PTGER4: variants seen among roughly 807,000 people sequenced by gnomAD.
PTGER4 encodes the protein prostaglandin E receptor 4.
In PTGER4, 11 loss-of-function variants were observed where a neutral mutation model predicts 33.2. The observed-to-expected ratio is 0.33, with a 90% CI of 0.21 to 0.55. The LOEUF is 0.55. Ranked by LOEUF, PTGER4 falls within the 20% of genes least tolerant of loss-of-function variation. The pLI is 0.92. For synonymous variants in PTGER4, 275 were observed against 281.5 expected, an observed-to-expected ratio of 0.98 and a Z score of 0.23; for missense variants, 481 against 650.2, an observed-to-expected ratio of 0.74 and a Z score of 2.83.
downstream of PTGER4, among the ~76,000 whole-genome samples, chr5:40,698,670 A>G (rs1425004402): frequency 1.3e-5 from 2 of 152,208 alleles, no homozygotes; most frequent in East Asian, 1.9e-4. Flanking sequence ...TTATATCTCA[A>G]TGCATTACTT....
the PTGER4 span, among the ~76,000 whole-genome samples, chr5:40,735,437 C>T: frequency 6.6e-6 from 1 of 152,016 alleles, no homozygotes; most frequent in African/African-American, 2.4e-5. Context: ...TCAACTTGGA[C>T]TTGGTATGAG....
At chr5:40,728,113 C>T in the PTGER4 span, among the ~76,000 whole-genome samples, 1 of 151,710 alleles carries the variant, frequency 6.6e-6, no homozygotes, top group Non-Finnish European at 1.5e-5. Context: ...GACACCCCGT[C>T]TCTACTAAAA....
chr5:40,734,717 C>T, the PTGER4 span, among the ~76,000 whole-genome samples: 1 of 152,124 alleles, frequency 6.6e-6, no homozygotes, highest in Non-Finnish European at 1.5e-5. Context: ...TTACTGGGCA[C>T]CTACCCTGGG....
the PTGER4 span, among the ~76,000 whole-genome samples, chr5:40,720,718 T>C: frequency 6.6e-6 from 1 of 152,040 alleles, no homozygotes; most frequent in African/African-American, 2.4e-5. Context: ...ACTGAAAGGC[T>C]CCTGCACCCT....
the PTGER4 span, among the ~76,000 whole-genome samples, chr5:40,732,996 G>C: frequency 6.6e-6 from 1 of 151,980 alleles, no homozygotes; most frequent in East Asian, 1.9e-4. Flanking sequence ...AAGAAAAGAG[G>C]GGACAGATGT....
the PTGER4 span, among the ~76,000 whole-genome samples, chr5:40,711,788 A>G: frequency 6.6e-6 from 1 of 152,268 alleles, no homozygotes. Flanking sequence ...TTAAGCAAAA[A>G]AAAAGTCAGA....
At chr5:40,689,105 T>C (rs1344706305) in intron 2 of PTGER4, among the ~76,000 whole-genome samples, 1 of 152,194 alleles carries the variant, frequency 6.6e-6, no homozygotes, top group East Asian at 1.9e-4. Flanking sequence ...GACCAGAACA[T>C]AGGAATATTC....
At chr5:40,716,006 T>C in the PTGER4 span, 8 of 637,496 alleles carry the variant, frequency 1.3e-5, no homozygotes, top group Middle Eastern at 7.8e-4. Context: ...TCCTGCCATT[T>C]TAGTTTTTAT....
chr5:40,692,967 A>G lies in PTGER4; in HGVS notation c.*589A>G, dbSNP rs931271907. The G allele has an allele frequency of 3.1e-6, 3 of 952,816 alleles. No homozygotes were observed. In the African/African-American group the frequency reaches 5.3e-5, roughly 17 times the overall value. 59.0% of individuals were successfully genotyped at this position (952,816 alleles called of 1,614,324 possible). A position where few individuals can be genotyped will look rare whatever the true frequency, so the allele number is the denominator to read the frequency against. On this transcript the variant is annotated 3_prime_UTR_variant, in exon 3 of 3. Transcript: ENST00000302472. ...AGATGTTAGATATTTTTCATAAACAAGTTCGAGTCAAAGTTGAAAATTCAT... is the reference window on the plus strand; with the variant it reads ...AGATGTTAGATATTTTTCATAAACAGGTTCGAGTCAAAGTTGAAAATTCAT...
the PTGER4 span, among the ~76,000 whole-genome samples, chr5:40,706,043 A>G: frequency 1.3e-5 from 2 of 152,180 alleles, 1 homozygote; most frequent in East Asian, 3.8e-4. Flanking sequence ...TTCATTGCAC[A>G]CTGTTTACAA....
chr5:40,715,436 G>T, the PTGER4 span: 5 of 152,200 alleles, frequency 3.3e-5, no homozygotes, highest in African/African-American at 1.2e-4. Flanking sequence ...ATTACTTACT[G>T]TAACAATTAA....
chr5:40,722,747 C>T, the PTGER4 span, among the ~76,000 whole-genome samples: 11,914 of 151,584 alleles, frequency 0.079, 652 homozygotes, highest in Non-Finnish European at 0.12. Flanking sequence ...GCAGCCCCTG[C>T]CCGGCCAGAC....
chr5:40,691,586 G>A lies in PTGER4; in HGVS notation c.868-193G>A, dbSNP rs763728190. 1.5e-4 allele frequency among the ~76,000 whole-genome samples: 23 copies of A among 152,226 alleles called. No individual in the cohort carries two copies. The highest frequency in any genetic ancestry group is 3.1e-4 in the Non-Finnish European group (21 of 68,042). On this transcript the variant is annotated intron_variant, in intron 2 of 2. Coordinates refer to ENST00000302472, the MANE Select transcript of PTGER4 (RefSeq NM_000958.3). This position sits in a 1 kb window ranked among gnomAD's most constrained non-coding sequence, Gnocchi z 4.2. ...CCACCTCGGCCTCCCAAAGTGCTGG[G>A]ATTACAGGCGTGAGCCACCGTGCCC...
the PTGER4 span, among the ~76,000 whole-genome samples, chr5:40,716,984 T>C: frequency 2.6e-5 from 4 of 152,164 alleles, no homozygotes; most frequent in African/African-American, 9.7e-5. Flanking sequence ...ATCCCAGCAC[T>C]TTGGGAGGCT....
chr5:40,697,234 GAAAGAAAGAA>G (rs1400993330), downstream of PTGER4, among the ~76,000 whole-genome samples: 6,646 of 73,564 alleles, frequency 0.09, 257 homozygotes, highest in African/African-American at 0.1. Flanking sequence ...AGAAAAGAAA[GAAAGAAAGAA>G]AGAAAGAAAG....
At chr5:40,716,646 G>A in the PTGER4 span, 28 of 591,948 alleles carry the variant, frequency 4.7e-5, no homozygotes, top group Admixed American at 2.0e-4. Flanking sequence ...TGGAAGCTAC[G>A]GTGTTGCCCT....
At chr5:40,719,422 A>C in the PTGER4 span, among the ~76,000 whole-genome samples, 1 of 152,132 alleles carries the variant, frequency 6.6e-6, no homozygotes, top group Non-Finnish European at 1.5e-5. Flanking sequence ...CATTGTATGG[A>C]TATACCACAT....
chr5:40,692,586 A>G lies in PTGER4; in HGVS notation c.*208A>G, dbSNP rs1359394648. ...CCTGCAGCACGTCGGATGCTACCCC[A>G]CTATGACAGAGGATTGTGGTCACAA... On this transcript the variant is annotated 3_prime_UTR_variant, in exon 3 of 3. Coordinates refer to ENST00000302472, the MANE Select transcript of PTGER4 (RefSeq NM_000958.3). 6.7e-6 allele frequency: 9 copies of G among 1,339,604 alleles called. No individual in the cohort carries two copies. The highest frequency in any genetic ancestry group is 7.6e-6 in the Non-Finnish European group (8 of 1,046,240). The allele number at this position is 1,339,604 out of a possible 1,614,324, so 83.0% of individuals were successfully genotyped here.
At position 40,684,135 on chromosome 5, in the gene PTGER4, C is replaced by A. The variant is rs1051677481; in HGVS notation, c.867+2275C>A. Among the ~76,000 whole-genome samples the A allele has an allele frequency of 2.7e-3, 331 of 120,928 alleles. 4 individuals are homozygous for A. Among genetic ancestry groups the A allele is most frequent in the Admixed American group, 6.2e-3 (72 of 11,546 alleles). The allele number at this position is 120,928 out of a possible 152,430, so 79.3% of individuals were successfully genotyped here. On this transcript the variant is annotated intron_variant, in intron 2 of 2. Transcript: ENST00000302472. ...TATGCCACCCACCCACCCCCCCCCC[C>A]ACAATTCAGCAATTACTGAAATAAT... is the stretch of plus-strand genomic sequence containing the variant.
Sources: allele counts gnomAD v4.1 joint callset (sites outside exome capture counted in the v4.1 genomes callset), GRCh38; gene constraint gnomAD v4.1.1; non-coding constraint Gnocchi (gnomAD v3.1); transcripts MANE v1.5; gene names NCBI Gene and HGNC (gene_info 2026-07-23, HGNC 2026-07-21).